MUC13: variants seen among roughly 807,000 people sequenced by gnomAD.
MUC13 encodes mucin-13.
MUC13 carries 32 observed loss-of-function variants against 48.3 expected under a neutral mutation model. The observed-to-expected ratio is 0.66, with a 90% CI of 0.50 to 0.89. MUC13 has a LOEUF of 0.89. MUC13 is among the 40% of genes least tolerant of loss of function. MUC13 has a pLI of 0.00. For synonymous variants in MUC13, 199 were observed against 224.9 expected, an observed-to-expected ratio of 0.88 and a Z score of 1.03; for missense variants, 571 against 622.8, an observed-to-expected ratio of 0.92 and a Z score of 0.88.
chr3:124,910,612 G>A, intron 9 of MUC13, 113 bp from the exon 10 acceptor site: 2 of 1,491,510 alleles, frequency 1.3e-6, no homozygotes, highest in East Asian at 2.5e-5. Context: ...TCAGGTTCTG[G>A]TCTCCAACCC....
intron 6 of MUC13, among the ~76,000 whole-genome samples, chr3:124,916,091 G>A (rs1000668127): frequency 5.9e-5 from 9 of 152,102 alleles, no homozygotes; most frequent in Non-Finnish European, 1.0e-4. Flanking sequence ...TTATACCTTC[G>A]TAGAGAGGAA....
rs1466591490 is a variant in MUC13, at chr3:124,927,954, G to C, written c.92C>G (p.Thr31Arg). ...QGNSADAVTTTETATSGPTVA... is the reference protein window; with the variant it reads ...QGNSADAVTTRETATSGPTVA... Reference sequence around the variant, plus strand: ...TGTAGGACCACTAGTCGCAGTTTCTGTGGTTGTTACAGCATCAGCTGAGTT... The same window carrying C: ...TGTAGGACCACTAGTCGCAGTTTCTCTGGTTGTTACAGCATCAGCTGAGTT... Residue 31 changes from threonine to arginine, a missense_variant, in exon 2 of 12, where the codon ACA becomes AGA. By Grantham distance (71) the Thr-to-Arg change is moderately conservative. Transcript: ENST00000616727. 2 of 1,578,710 alleles carry C rather than the reference G, an allele frequency of 1.3e-6. No homozygotes were observed. Among genetic ancestry groups the C allele is most frequent in the East Asian group, 4.5e-5 (2 of 44,654 alleles).
At chr3:124,927,462 C>T in intron 2 of MUC13, 70 bp downstream of exon 2, 4 of 1,475,494 alleles carry the variant, frequency 2.7e-6, no homozygotes, top group Non-Finnish European at 3.7e-6. Flanking sequence ...CCCACCAGAA[C>T]ATACCCACCT....
chr3:124,929,067 G>C (rs1324453412), intron 1 of MUC13, among the ~76,000 whole-genome samples: 1 of 152,112 alleles, frequency 6.6e-6, no homozygotes, highest in Non-Finnish European at 1.5e-5. Context: ...TGCCCTCTGA[G>C]CTATGATGGA....
chr3:124,928,338 G>GA (rs1336374661), intron 1 of MUC13, among the ~76,000 whole-genome samples: 2 of 151,920 alleles, frequency 1.3e-5, no homozygotes, highest in African/African-American at 2.4e-5. Context: ...GACAAAACTG[G>GA]AAAAAATGTT....
Position 124,908,246 on chromosome 3 carries a change from T to C in MUC13, c.1440A>G (p.Glu480=). ...TCCTGACCTTAGGAAAGACGCTCCC[T>C]TCTGCTCCAAGATTGGTGAAGCCTG... ...RSTGFTNLGA[E]GSVFPKVRIT... Residue 480 remains glutamate (E), a synonymous_variant, in exon 11 of 12, where the codon GAA becomes GAG. Coordinates refer to ENST00000616727, the MANE Select transcript of MUC13 (RefSeq NM_033049.4). 6.2e-7 allele frequency: 1 copy of C among 1,614,230 alleles called. No homozygotes were observed. Among genetic ancestry groups the C allele is most frequent in the Non-Finnish European group, 8.5e-7 (1 of 1,180,038 alleles).
intron 5 of MUC13, among the ~76,000 whole-genome samples, chr3:124,916,903 T>C (rs1328154904): frequency 6.6e-6 from 1 of 151,934 alleles, no homozygotes; most frequent in Non-Finnish European, 1.5e-5. Context: ...GGGGCGCGTG[T>C]CCCTCCCTCT....
At chr3:124,916,623 G>T in intron 5 of MUC13, 143 bp from the exon 6 acceptor site, 1 of 790,810 alleles carries the variant, frequency 1.3e-6, no homozygotes, top group Non-Finnish European at 2.0e-6. Flanking sequence ...TATGGAGGCC[G>T]GGGGCTGCAA....
intron 2 of MUC13, among the ~76,000 whole-genome samples, chr3:124,924,479 A>G (rs1009724793): frequency 1.3e-5 from 2 of 152,168 alleles, no homozygotes; most frequent in African/African-American, 4.8e-5. Context: ...GTGTTTGATA[A>G]CCTTCAGAGC....
intron 11 of MUC13, among the ~76,000 whole-genome samples, chr3:124,907,090 G>A (rs895759790): frequency 6.6e-6 from 1 of 152,210 alleles, no homozygotes; most frequent in African/African-American, 2.4e-5. Flanking sequence ...GGTACAAGCT[G>A]TTGTCCTTGA....
At chr3:124,921,624 A>G (rs1013261064) in intron 4 of MUC13, among the ~76,000 whole-genome samples, 2 of 152,224 alleles carry the variant, frequency 1.3e-5, no homozygotes, top group Admixed American at 6.5e-5. Context: ...CTTGCTCACA[A>G]TAATCTAAAT....
intron 5 of MUC13, among the ~76,000 whole-genome samples, 180 bp from the exon 6 acceptor site, chr3:124,916,660 G>A (rs1341086183): frequency 6.6e-6 from 1 of 152,118 alleles, no homozygotes; most frequent in East Asian, 1.9e-4. Flanking sequence ...AGGCTTGGAG[G>A]TCTCTATTTG....
At chr3:124,931,608 C>T (rs112451543) in intron 1 of MUC13, among the ~76,000 whole-genome samples, 8,940 of 151,366 alleles carry the variant, frequency 0.059, 282 homozygotes, top group African/African-American at 0.069. Context: ...ATTAGCTGGG[C>T]GTGGTGGCAG....
chr3:124,927,819 G>T lies in MUC13; in HGVS notation c.227C>A (p.Thr76Lys), dbSNP rs1173919200. 3.7e-6 allele frequency: 6 copies of T among 1,614,160 alleles called. No homozygotes were observed. Among genetic ancestry groups the T allele is most frequent in the Non-Finnish European group, 5.1e-6 (6 of 1,180,032 alleles). ...ATSPAPPIISTHSSSTIPTPA... is the reference protein window; with the variant it reads ...ATSPAPPIISKHSSSTIPTPA... ...TGTAGGAATTGTGGAGGAACTATGTGTACTAATTATGGGGGGAGCAGGTGA... is the reference window on the plus strand; with the variant it reads ...TGTAGGAATTGTGGAGGAACTATGTTTACTAATTATGGGGGGAGCAGGTGA... Residue 76 changes from threonine to lysine, a missense_variant, in exon 2 of 12, where the codon ACA (threonine) becomes AAA (lysine). By Grantham distance (78) the Thr-to-Lys change is moderately conservative. Transcript: ENST00000616727.
chr3:124,923,082 T>G (rs1449452776), intron 3 of MUC13, among the ~76,000 whole-genome samples: 4 of 132,496 alleles, frequency 3.0e-5, no homozygotes, highest in Non-Finnish European at 6.3e-5. Context: ...AAAATGAAGA[T>G]ATTTCTCATT....
At chr3:124,926,124 G>A (rs552713210) in intron 2 of MUC13, among the ~76,000 whole-genome samples, 1 of 152,268 alleles carries the variant, frequency 6.6e-6, no homozygotes, top group South Asian at 2.1e-4. Flanking sequence ...GTCTCCTTCT[G>A]GAGACACCAG....
intron 3 of MUC13, 137 bp downstream of exon 3, chr3:124,923,390 T>C: frequency 1.1e-6 from 1 of 871,096 alleles, no homozygotes; most frequent in East Asian, 2.7e-5. Flanking sequence ...TTTTCTCTAC[T>C]TTGCTGGCCT....
At position 124,913,569 on chromosome 3, in the gene MUC13, G is replaced by A; in HGVS notation, c.1077C>T (p.Phe359=). 2 of 1,614,226 alleles carry A rather than the reference G, an allele frequency of 1.2e-6. No homozygotes were observed. Among genetic ancestry groups the A allele is most frequent in the East Asian group, 2.2e-5 (1 of 44,882 alleles). Residue 359 remains phenylalanine (F), a synonymous_variant, in exon 7 of 12, where the codon TTC becomes TTT. Coordinates refer to ENST00000616727, the MANE Select transcript of MUC13 (RefSeq NM_033049.4). ...DLQRPNPQSP[F]CVASSLKCPD... The stretch of plus-strand genomic sequence containing the variant: ...AGCAGGTGAAACACTTACCAACGCA[G>A]AAAGGGCTCTGTGGGTTAGGCCTTT...
At position 124,912,161 on chromosome 3, in the gene MUC13, A is replaced by G. The variant is rs993643224; in HGVS notation, c.1215-20T>C. 2 of 1,611,652 alleles carry G rather than the reference A, an allele frequency of 1.2e-6. No individual in the cohort carries two copies. Among genetic ancestry groups the G allele is most frequent in the Non-Finnish European group, 1.7e-6 (2 of 1,178,978 alleles). On this transcript the variant is annotated intron_variant, in intron 8 of 11. Transcript: ENST00000616727. ...GCACACCTGAAATACAGTGAGCAATAGGAAACAGTGTTAAAGAGCCCCTGT... is the reference window on the plus strand; with the variant it reads ...GCACACCTGAAATACAGTGAGCAATGGGAAACAGTGTTAAAGAGCCCCTGT...
Sources: gnomAD v4.1 joint callset for allele counts (sites outside exome capture counted in the v4.1 genomes callset) on GRCh38, gnomAD v4.1.1 for gene constraint, MANE v1.5 for transcripts, NCBI Gene and HGNC (gene_info 2026-07-23, HGNC 2026-07-21) for gene names.